The following XG variants were observed in gnomAD, a reference collection of about 807,000 sequenced individuals.
The protein encoded by XG is glycoprotein Xg.
A neutral mutation model predicts 25.7 loss-of-function variants in XG; 24 were observed. The observed-to-expected ratio is 0.93, with a 90% confidence interval of 0.68 to 1.31. The LOEUF is 1.31. Among genes scored for constraint, XG ranks in the 40% most tolerant of loss-of-function variants. The pLI, the probability that XG is intolerant of heterozygous loss-of-function variation, is 0.00. For synonymous variants in XG, 77 were observed against 69.2 expected (o/e 1.11, Z -0.56); for missense variants, 181 against 187.6 (o/e 0.96, Z 0.21).
intron 1 of XG, among the ~76,000 whole-genome samples, chrX:2,759,192 G>A (rs1432090312): frequency 3.9e-5 from 6 of 152,170 alleles, no homozygotes; most frequent in African/African-American, 7.2e-5. Flanking sequence ...GGGTGTTCTC[G>A]CATTCGGTGG....
At chrX:2,782,572 A>G (rs4892819) in intron 4 of XG, among the ~76,000 whole-genome samples, 53,906 of 109,426 alleles carry the variant, frequency 0.49, 9,875 homozygotes, top group Admixed American at 0.61. Flanking sequence ...CTGACCGGTC[A>G]GGTTGGAAAG....
chrX:2,804,077 A>T (rs1205767898), intron 7 of XG, among the ~76,000 whole-genome samples: 2 of 111,990 alleles, frequency 1.8e-5, no homozygotes, highest in Admixed American at 1.9e-4. Context: ...TCCTGACCTG[A>T]GGCGATCCAC....
At chrX:2,811,115 CT>C (rs10709559) in intron 9 of XG, among the ~76,000 whole-genome samples, 38,507 of 105,279 alleles carry the variant, frequency 0.37, 6,108 homozygotes, top group African/African-American at 0.55. Context: ...GTTTTTTTTT[CT>C]TTTTTTTTAA....
At chrX:2,758,148 TCC>T (rs2050478901) in intron 1 of XG, among the ~76,000 whole-genome samples, 1 of 151,962 alleles carries the variant, frequency 6.6e-6, no homozygotes, top group East Asian at 1.9e-4. Flanking sequence ...GCCCCCTCCT[TCC>T]CTGCAAAGGA....
intron 1 of XG, among the ~76,000 whole-genome samples, chrX:2,754,037 T>C (rs1315018748): frequency 6.6e-6 from 1 of 152,216 alleles, no homozygotes; most frequent in East Asian, 1.9e-4. Context: ...GGCTAAGCTA[T>C]GGCGTTTGGT....
At chrX:2,763,877 G>A (rs1181000977) in intron 1 of XG, among the ~76,000 whole-genome samples, 1 of 152,124 alleles carries the variant, frequency 6.6e-6, no homozygotes, top group African/African-American at 2.4e-5. Context: ...CAGGGCCGGT[G>A]GACCTAAGTT....
At chrX:2,801,925 T>A (rs768637571) in intron 7 of XG, among the ~76,000 whole-genome samples, 1 of 110,293 alleles carries the variant, frequency 9.1e-6, no homozygotes, top group Non-Finnish European at 1.9e-5. Context: ...GCCAGGATGA[T>A]CTCGATCTCC....
Position 2,808,192 on chromosome X carries a change from TCAC to T in XG, c.429_431del (p.His144del). On this transcript the variant is annotated inframe_deletion, in exon 9 of 11. Coordinates refer to ENST00000644266, the MANE Select transcript of XG (RefSeq NM_001141919.2). ...ATCCTTTTCCGCTTACAGGTGGAGA[TCAC>T]CATTCAACGTATGGCAATCCAGAAG... 8.3e-7 allele frequency: 1 copy of T among 1,211,058 alleles called. No homozygotes were observed. The highest frequency in any genetic ancestry group is 1.1e-6 in the Non-Finnish European group (1 of 895,256).
intron 1 of XG, among the ~76,000 whole-genome samples, chrX:2,769,513 A>G (rs1004591720): frequency 2.0e-5 from 3 of 152,124 alleles, no homozygotes; most frequent in Non-Finnish European, 4.4e-5. Context: ...ACAGAACTCA[A>G]TGCATAGTAA....
At chrX:2,794,734 C>G in intron 6 of XG, 131 bp downstream of exon 6, 6 of 737,466 alleles carry the variant, frequency 8.1e-6, no homozygotes, top group African/African-American at 2.1e-5. Flanking sequence ...TAAGCTGGTG[C>G]AGGGGATGAC....
intron 4 of XG, among the ~76,000 whole-genome samples, chrX:2,785,888 A>T (rs1205111330): frequency 1.3e-4 from 14 of 111,332 alleles, no homozygotes; most frequent in Admixed American, 1.9e-4. Context: ...GATGGGCAAC[A>T]TTGGGAAGAC....
At chrX:2,775,192 C>A (rs774699921) in intron 3 of XG, among the ~76,000 whole-genome samples, 1 of 152,132 alleles carries the variant, frequency 6.6e-6, no homozygotes, top group African/African-American at 2.4e-5. Flanking sequence ...CAGAGCAGCA[C>A]TATTCATTAT....
chrX:2,765,702 G>A (rs954351487), intron 1 of XG, among the ~76,000 whole-genome samples: 2 of 152,230 alleles, frequency 1.3e-5, no homozygotes, highest in African/African-American at 4.8e-5. Flanking sequence ...TCAGTGGGGA[G>A]CAGAGGTTTT....
At chrX:2,779,246 G>A (rs939654348) in intron 3 of XG, among the ~76,000 whole-genome samples, 1 of 148,718 alleles carries the variant, frequency 6.7e-6, no homozygotes, top group Non-Finnish European at 1.5e-5. Flanking sequence ...TGAGGCATAA[G>A]AATCACTTGA....
At chrX:2,770,776 G>C (rs1380374893) in intron 2 of XG, among the ~76,000 whole-genome samples, 185 bp downstream of exon 2, 1 of 152,130 alleles carries the variant, frequency 6.6e-6, no homozygotes, top group Non-Finnish European at 1.5e-5. Flanking sequence ...AAAAGTCTCA[G>C]ACTCATTTCT....
chrX:2,778,774 A>ATTTTTTTTTTTTT (rs1569463535), intron 3 of XG, among the ~76,000 whole-genome samples: 1 of 148,416 alleles, frequency 6.7e-6, no homozygotes, highest in African/African-American at 2.5e-5. Flanking sequence ...CTCATGCGAT[A>ATTTTTTTTTTTTT]CTTTTTTTTT....
chrX:2,811,495 G>A lies in XG; in HGVS notation c.571+43G>A, dbSNP rs202105660. ...CATTGTTTTGCTTGTTACTAAGCCT[G>A]ATTTAAAAAAAAAAATTACTTTCAG... On this transcript the variant is annotated intron_variant, in intron 10 of 10. Coordinates refer to ENST00000644266, the MANE Select transcript of XG (RefSeq NM_001141919.2). The A allele has an allele frequency of 4.2e-4, 392 of 923,008 alleles. No individual in the cohort carries two copies. The African/African-American group carries it at 8.5e-3, about 20-fold the overall frequency. 76.1% of individuals were successfully genotyped at this position (923,008 alleles called of 1,213,427 possible).
At chrX:2,790,744 G>A (rs1266478272) in intron 5 of XG, among the ~76,000 whole-genome samples, 1 of 111,887 alleles carries the variant, frequency 8.9e-6, no homozygotes, top group Non-Finnish European at 1.9e-5. Flanking sequence ...AGGTTGCCTT[G>A]AGCCAAGATT....
chrX:2,767,797 G>A (rs764883661), intron 1 of XG, among the ~76,000 whole-genome samples: 1 of 152,324 alleles, frequency 6.6e-6, no homozygotes, highest in African/African-American at 2.4e-5. Flanking sequence ...TGCCCAGGCC[G>A]TCTGATGCTG....
Sources: gnomAD v4.1 joint callset for allele counts (sites outside exome capture counted in the v4.1 genomes callset) on GRCh38, gnomAD v4.1.1 for gene constraint, MANE v1.5 for transcripts, NCBI Gene and HGNC (gene_info 2026-07-23, HGNC 2026-07-21) for gene names.